Variants in LRRTM4 observed in about 807,000 individuals in gnomAD.
The protein encoded by LRRTM4 is leucine rich repeat transmembrane neuronal 4.
LRRTM4 carries 25 observed loss-of-function variants against 47.6 expected under a neutral mutation model. The ratio of observed to expected loss-of-function variants is 0.53; its 90% CI spans 0.38 to 0.73. The LOEUF (loss-of-function observed/expected upper bound fraction) is 0.73, where lower values mean the gene tolerates loss of function less well. LRRTM4 is among the 30% of genes least tolerant of loss of function. LRRTM4 has a pLI of 0.00. For synonymous variants in LRRTM4, 311 were observed against 269.5 expected (o/e 1.15, Z -1.51); for missense variants, 638 against 713.4 (o/e 0.89, Z 1.20).
intron 3 of LRRTM4, among the ~76,000 whole-genome samples, chr2:77,311,432 G>A (rs879884567): frequency 2.0e-4 from 30 of 152,286 alleles, no homozygotes; most frequent in Non-Finnish European, 4.3e-4. Flanking sequence ...AGTCTCAGGA[G>A]TGGGAACACA....
intron 3 of LRRTM4, among the ~76,000 whole-genome samples, chr2:77,258,136 T>A (rs184879594): frequency 6.6e-6 from 1 of 150,932 alleles, no homozygotes; most frequent in Non-Finnish European, 1.5e-5. Flanking sequence ...AAAAAAAGAC[T>A]ACGAAGAAAC....
intron 3 of LRRTM4, among the ~76,000 whole-genome samples, chr2:77,277,966 T>A (rs1054748198): frequency 1.3e-5 from 2 of 152,014 alleles, no homozygotes; most frequent in Non-Finnish European, 2.9e-5. Context: ...AGTATTTCAC[T>A]TGAGTTTCTC....
chr2:77,398,419 A>G (rs748042671), intron 3 of LRRTM4, among the ~76,000 whole-genome samples: 8 of 151,910 alleles, frequency 5.3e-5, no homozygotes, highest in Non-Finnish European at 7.4e-5. Flanking sequence ...TCTGAGCTGC[A>G]TCTTGCAATC....
At chr2:76,915,928 A>T (rs1008235058) in intron 3 of LRRTM4, among the ~76,000 whole-genome samples, 4 of 152,190 alleles carry the variant, frequency 2.6e-5, no homozygotes, top group African/African-American at 9.6e-5. Flanking sequence ...GGTGAACAAA[A>T]AGGTAATCTT....
chr2:76,795,497 GGTGA>G (rs901003759), intron 3 of LRRTM4, among the ~76,000 whole-genome samples: 7 of 151,842 alleles, frequency 4.6e-5, no homozygotes, highest in South Asian at 2.1e-4. Flanking sequence ...TTAATAATCT[GGTGA>G]GTATTTAAAA....
chr2:77,362,162 A>G lies in LRRTM4; in HGVS notation c.1551+156156T>C, dbSNP rs143756808. 7.0e-4 allele frequency among the ~76,000 whole-genome samples: 79 copies of G among 112,876 alleles called. 2 individuals carry two copies. The highest frequency in any genetic ancestry group is 3.5e-3 in the African/African-American group (72 of 20,622). The allele number at this position is 112,876 out of a possible 152,430, so 74.1% of individuals were successfully genotyped here. A position where few individuals can be genotyped will look rare whatever the true frequency, so the allele number is the denominator to read the frequency against. ...GAAAGAAAGAAAGAAAGAAAGAAAG[A>G]AAGAAAGAAAGGAAGGAAGGAAGAG... On this transcript the variant is annotated intron_variant, in intron 3 of 3. Coordinates refer to ENST00000409884, the MANE Select transcript of LRRTM4 (RefSeq NM_001134745.3).
At chr2:76,821,647 T>A (rs1248591606) in intron 3 of LRRTM4, among the ~76,000 whole-genome samples, 1 of 151,736 alleles carries the variant, frequency 6.6e-6, no homozygotes, top group African/African-American at 2.4e-5. Context: ...CATGGAGCAT[T>A]TCCTTTGACT....
At chr2:77,400,492 C>G (rs1265293344) in intron 3 of LRRTM4, among the ~76,000 whole-genome samples, 4 of 151,826 alleles carry the variant, frequency 2.6e-5, no homozygotes, top group Non-Finnish European at 5.9e-5. Context: ...AAAGTATTTA[C>G]CTGGATAACC....
intron 3 of LRRTM4, among the ~76,000 whole-genome samples, chr2:77,121,910 A>G (rs1671530749): frequency 6.6e-6 from 1 of 151,854 alleles, no homozygotes; most frequent in Non-Finnish European, 1.5e-5. Flanking sequence ...ATTTAAATTA[A>G]TGTCTGGAAA....
intron 3 of LRRTM4, among the ~76,000 whole-genome samples, chr2:77,479,564 A>C (rs1427017035): frequency 6.6e-6 from 1 of 152,216 alleles, no homozygotes; most frequent in Non-Finnish European, 1.5e-5. Context: ...TTGATTGAGA[A>C]AGCAATGTGA....
At chr2:77,275,849 G>C (rs1171275182) in intron 3 of LRRTM4, among the ~76,000 whole-genome samples, 1 of 151,978 alleles carries the variant, frequency 6.6e-6, no homozygotes, top group Non-Finnish European at 1.5e-5. Context: ...AAGATAATAA[G>C]AGCTTTTCTC....
intron 3 of LRRTM4, among the ~76,000 whole-genome samples, chr2:77,157,489 TAATATTTCTATTTC>T (rs1672590398): frequency 6.6e-6 from 1 of 152,192 alleles, no homozygotes. Flanking sequence ...ACTTTAAAAT[TAATATTTCTATTTC>T]ATTATTGCTT....
intron 3 of LRRTM4, among the ~76,000 whole-genome samples, chr2:77,039,472 A>G (rs1448996012): frequency 2.0e-5 from 3 of 151,224 alleles, no homozygotes; most frequent in Non-Finnish European, 4.5e-5. Flanking sequence ...ATCTGTCATC[A>G]TAAATATTTC....
At chr2:77,102,443 C>T (rs1670981798) in intron 3 of LRRTM4, among the ~76,000 whole-genome samples, 1 of 152,176 alleles carries the variant, frequency 6.6e-6, no homozygotes, top group Non-Finnish European at 1.5e-5. Flanking sequence ...TTCAAACTTC[C>T]ACCATTAAGG....
At chr2:76,871,524 C>T (rs760528040) in intron 3 of LRRTM4, among the ~76,000 whole-genome samples, 2 of 152,144 alleles carry the variant, frequency 1.3e-5, no homozygotes, top group Non-Finnish European at 2.9e-5. Context: ...ATAACCTATG[C>T]ATCCCAAGCA....
chr2:76,906,317 G>A (rs1573292424), intron 3 of LRRTM4, among the ~76,000 whole-genome samples: 1 of 151,894 alleles, frequency 6.6e-6, no homozygotes, highest in Admixed American at 6.6e-5. Flanking sequence ...GTCACCACCA[G>A]GCCTGCCCTA....
chr2:76,911,941 G>C (rs868137198), intron 3 of LRRTM4, among the ~76,000 whole-genome samples: 21 of 139,876 alleles, frequency 1.5e-4, no homozygotes, highest in South Asian at 1.2e-3. Flanking sequence ...TTTTTGGGGG[G>C]GGGGGGGGGA....
intron 3 of LRRTM4, among the ~76,000 whole-genome samples, chr2:77,249,440 A>G (rs1675542215): frequency 6.6e-6 from 1 of 152,134 alleles, no homozygotes; most frequent in Admixed American, 6.5e-5. Flanking sequence ...AAACCGTAGG[A>G]AAATATTTGC....
intron 3 of LRRTM4, among the ~76,000 whole-genome samples, chr2:76,925,438 T>C (rs566296580): frequency 6.6e-6 from 1 of 152,214 alleles, no homozygotes; most frequent in African/African-American, 2.4e-5. Context: ...TAGCCGAGGA[T>C]CCATTTAAGC....
Sources: gnomAD v4.1 joint callset for allele counts (sites outside exome capture counted in the v4.1 genomes callset) on GRCh38, gnomAD v4.1.1 for gene constraint, MANE v1.5 for transcripts, NCBI Gene and HGNC (gene_info 2026-07-23, HGNC 2026-07-21) for gene names.